LY6S: variants seen among roughly 807,000 people sequenced by gnomAD.
The protein encoded by LY6S is lymphocyte antigen 6 family member S, also known as lymphocyte antigen 6S.
the LY6S span, chr8:143,049,104 AT>A: frequency 1.9e-6 from 1 of 523,690 alleles, no homozygotes; most frequent in East Asian, 5.5e-5. Context: ...TAGCGCCCTG[AT>A]TTCATGGGGG....
At chr8:143,072,252 T>C in the LY6S span, among the ~76,000 whole-genome samples, 1 of 147,376 alleles carries the variant, frequency 6.8e-6, no homozygotes, top group Non-Finnish European at 1.5e-5. Flanking sequence ...TCGGGGTCCC[T>C]GTTTGAGGAG....
chr8:143,071,195 A>AATACAGACTCAGGAGGCG, the LY6S span, among the ~76,000 whole-genome samples: 1 of 130,804 alleles, frequency 7.6e-6, no homozygotes, highest in African/African-American at 3.5e-5. Flanking sequence ...AAGACCCGGC[A>AATACAGACTCAGGAGGCG]GCATGGATGT....
chr8:143,071,739 G>A, the LY6S span, among the ~76,000 whole-genome samples: 2 of 152,168 alleles, frequency 1.3e-5, no homozygotes, highest in African/African-American at 2.4e-5. Flanking sequence ...CCACAAGCTC[G>A]CAGGAGGACG....
the LY6S span, among the ~76,000 whole-genome samples, chr8:143,069,571 T>C: frequency 0.24 from 36,572 of 152,136 alleles, 6,424 homozygotes; most frequent in African/African-American, 0.48. Context: ...TGCCAGCCCG[T>C]GCTCCAGGTG....
chr8:143,057,441 G>C, the LY6S span: 1 of 542,220 alleles, frequency 1.8e-6, no homozygotes, highest in African/African-American at 1.9e-5. Context: ...GTAGAAACAG[G>C]GTTTCACCAT....
the LY6S span, chr8:143,044,862 T>G: frequency 7.7e-7 from 1 of 1,305,748 alleles, no homozygotes; most frequent in South Asian, 1.2e-5. Flanking sequence ...AATGCCCTGG[T>G]GAGAGTCCCA....
At chr8:143,050,717 C>G in the LY6S span, among the ~76,000 whole-genome samples, 3 of 152,162 alleles carry the variant, frequency 2.0e-5, no homozygotes, top group Non-Finnish European at 4.4e-5. Flanking sequence ...TGGGCCAGGC[C>G]TTCCACAGTA....
the LY6S span, among the ~76,000 whole-genome samples, chr8:143,068,591 G>A: frequency 6.6e-6 from 1 of 151,950 alleles, no homozygotes; most frequent in Non-Finnish European, 1.5e-5. Context: ...TTTGTAATTT[G>A]CCCAGTCTTA....
chr8:143,072,834 T>G, the LY6S span, among the ~76,000 whole-genome samples: 46 of 140,336 alleles, frequency 3.3e-4, no homozygotes, highest in African/African-American at 1.2e-3. Flanking sequence ...GATTCCTGTT[T>G]GAGGAGACAG....
the LY6S span, chr8:143,053,388 G>C: frequency 3.9e-5 from 6 of 152,160 alleles, no homozygotes; most frequent in Non-Finnish European, 7.3e-5. Flanking sequence ...ATGCTGGTCT[G>C]TGTGCTAGGG....
At chr8:143,047,249 C>T in the LY6S span, among the ~76,000 whole-genome samples, 7 of 151,520 alleles carry the variant, frequency 4.6e-5, no homozygotes, top group African/African-American at 1.7e-4. Context: ...AAGTGATTCT[C>T]CTGCCTCAGC....
chr8:143,072,321 G>T, the LY6S span, among the ~76,000 whole-genome samples: 15 of 135,346 alleles, frequency 1.1e-4, no homozygotes, highest in Admixed American at 1.5e-4. Context: ...CGGGGCTCCT[G>T]TTAGAGAAGA....
the LY6S span, chr8:143,057,934 TCTCAGCGTCGTCTCTGTCTGACCCTCC>T: frequency 1.8e-6 from 1 of 566,380 alleles, no homozygotes; most frequent in East Asian, 2.9e-5. Flanking sequence ...GTGCGGGTGG[TCTCAGCGTCGTCTCTGTCTGACCCTCC>T]CTCCCTCTGC....
the LY6S span, among the ~76,000 whole-genome samples, chr8:143,061,551 TGTTG>T: frequency 1.3e-5 from 2 of 152,188 alleles, no homozygotes; most frequent in African/African-American, 4.8e-5. Context: ...TTATTTTGTT[TGTTG>T]GTTTTTGAGA....
At chr8:143,060,185 T>C in the LY6S span, among the ~76,000 whole-genome samples, 2 of 152,292 alleles carry the variant, frequency 1.3e-5, no homozygotes, top group South Asian at 4.1e-4. Flanking sequence ...CTAGCGGTAG[T>C]GCCAGTGCCT....
chr8:143,041,640 G>T, the LY6S span, among the ~76,000 whole-genome samples: 2 of 152,188 alleles, frequency 1.3e-5, no homozygotes, highest in African/African-American at 4.8e-5. Flanking sequence ...GATTGGGGAA[G>T]TGATAAGTGT....
At chr8:143,067,247 T>C in the LY6S span, among the ~76,000 whole-genome samples, 4 of 152,262 alleles carry the variant, frequency 2.6e-5, no homozygotes, top group African/African-American at 4.8e-5. Context: ...TGATCTCTAC[T>C]AAGAAAAATT....
the LY6S span, among the ~76,000 whole-genome samples, chr8:143,049,052 C>T: frequency 1.3e-5 from 2 of 152,088 alleles, no homozygotes; most frequent in Admixed American, 6.5e-5. Flanking sequence ...TTCCAGCGCC[C>T]GTGAGACCCA....
At chr8:143,074,165 G>A in the LY6S span, among the ~76,000 whole-genome samples, 8 of 152,132 alleles carry the variant, frequency 5.3e-5, no homozygotes, top group Non-Finnish European at 1.2e-4. Flanking sequence ...TGAATCTTGG[G>A]TTAATGTCTC....
Sources: allele counts gnomAD v4.1 joint callset (sites outside exome capture counted in the v4.1 genomes callset), GRCh38; gene constraint gnomAD v4.1.1; transcripts MANE v1.5; gene names NCBI Gene and HGNC (gene_info 2026-07-23, HGNC 2026-07-21).